GBP4: variants seen among roughly 807,000 people sequenced by gnomAD.
GBP4 encodes guanylate-binding protein 4.
In GBP4, 69 loss-of-function variants were observed where a neutral mutation model predicts 62.2. The observed-to-expected ratio is 1.11, with a 90% CI of 0.91 to 1.36. GBP4 has a LOEUF of 1.36. GBP4 is among the 40% of genes most tolerant of loss of function. The pLI, the probability that GBP4 is intolerant of heterozygous loss-of-function variation, is 0.00. For missense variants in GBP4, 697 were observed against 759.3 expected (o/e 0.92, Z 0.96); for synonymous variants, 278 against 274.6 (o/e 1.01, Z -0.12).
Position 89,185,298 on chromosome 1 carries a change from T to G in GBP4, c.1879A>C (p.Lys627Gln), listed in dbSNP as rs761302684. 6.8e-6 allele frequency: 11 copies of G among 1,613,534 alleles called. No individual in the cohort carries two copies. In the African/African-American group the frequency reaches 1.3e-4, roughly 20 times the overall value. ...TATTTTGTCCCTACTCCAAGTAGCT[T>G]GGAAGCCCCAGGTAGAGTGACAATC... The part of the protein sequence containing the change: ...IMIVTLPGAS[K>Q]LLGVGTKYLG... The change falls in exon 11 of 11, where the codon AAG becomes CAG. Residue 627 changes from lysine (K) to glutamine (Q), a missense_variant. Physicochemically the swap from Lys to Gln is moderately conservative, Grantham distance 53 (BLOSUM62 1). Around this residue, in one of 2 missense-constraint regions of GBP4, gnomAD observed 141 missense variants for 196.6 expected, o/e 0.72. Transcript: ENST00000355754.
At chr1:89,190,845 T>C (rs552862427) in intron 6 of GBP4, among the ~76,000 whole-genome samples, 82 of 152,076 alleles carry the variant, frequency 5.4e-4, no homozygotes, top group Non-Finnish European at 8.4e-4. Context: ...GCCATGAAGC[T>C]AGCCCCGTAC....
chr1:89,191,284 T>A lies in GBP4; in HGVS notation c.893A>T (p.Glu298Val). The A allele has an allele frequency of 6.2e-7, 1 of 1,612,960 alleles. No individual in the cohort carries two copies. The highest frequency in any genetic ancestry group is 8.5e-7 in the Non-Finnish European group (1 of 1,178,960). Residue 298 changes from glutamate to valine, a missense_variant, in exon 6 of 11, where the codon GAG becomes GTG. Glu to Val is a moderately radical substitution (Grantham distance 121, BLOSUM62 -2). Transcript: ENST00000355754. ...FTHAKTKTLREGIIVTGKRLG... is the reference protein window; with the variant it reads ...FTHAKTKTLRVGIIVTGKRLG... The stretch of plus-strand genomic sequence containing the variant: ...ACGCTTTCCAGTGACAATGATTCCC[T>A]CTCTCAGGGTCTTGGTCTTTGCATG...
In GBP4 at chr1:89,198,779, T is replaced by C. The variant is rs1648415744; in HGVS notation, c.40+16A>G. ...CCCAAATATACTTGAAAGGTAAAGC[T>C]TAAGAGCAAACTTACCTGGTGTGGG... On this transcript the variant is annotated intron_variant, in intron 1 of 10. Transcript: ENST00000355754. 1 of 1,610,274 alleles carries C rather than the reference T, an allele frequency of 6.2e-7. No homozygotes were observed. Among genetic ancestry groups the C allele is most frequent in the African/African-American group, 1.3e-5 (1 of 74,828 alleles).
rs1423133654 is a variant in GBP4, at chr1:89,183,079, A to G, written c.*2175T>C. ...CTTTAAAATTCATATGGAACCAAAA[A>G]AGAGCCTAGCCAAGGCAATCCTAAA... On this transcript the variant is annotated 3_prime_UTR_variant, in exon 11 of 11. Transcript: ENST00000355754. 1 of 152,228 alleles carries G rather than the reference A, an allele frequency of 6.6e-6. No homozygotes were observed. The highest frequency in any genetic ancestry group is 6.5e-5 in the Admixed American group (1 of 15,284). The allele number at this position is 152,228 out of a possible 1,614,324, so 9.4% of individuals were successfully genotyped here. A position where few individuals can be genotyped will look rare whatever the true frequency, so the allele number is the denominator to read the frequency against.
intron 6 of GBP4, among the ~76,000 whole-genome samples, chr1:89,190,696 C>T (rs1648159205): frequency 6.6e-6 from 1 of 151,736 alleles, no homozygotes; most frequent in Non-Finnish European, 1.5e-5. Flanking sequence ...TGCAAGTCCC[C>T]TCATTTCTTA....
intron 2 of GBP4, among the ~76,000 whole-genome samples, chr1:89,196,566 TG>T (rs1648346140): frequency 1.3e-5 from 2 of 152,206 alleles, no homozygotes; most frequent in Admixed American, 6.5e-5. Flanking sequence ...TTAACTTCAC[TG>T]TAAAGGTATG....
rs1394350753 is a variant in GBP4, at chr1:89,184,919, C to G, written c.*335G>C. 1.1e-5 allele frequency: 2 copies of G among 182,456 alleles called. No homozygotes were observed. Among genetic ancestry groups the G allele is most frequent in the Non-Finnish European group, 2.3e-5 (2 of 88,622 alleles). 11.3% of individuals were successfully genotyped at this position (182,456 alleles called of 1,614,324 possible). On this transcript the variant is annotated 3_prime_UTR_variant, in exon 11 of 11. Coordinates refer to ENST00000355754, the MANE Select transcript of GBP4 (RefSeq NM_052941.5). ...ATTAATCGGCAAGAGCTAGTCATAA[C>G]TGAAATTATTTCTGTGACTATAATA...
chr1:89,198,168 T>A (rs585525), intron 1 of GBP4, among the ~76,000 whole-genome samples: 96,124 of 151,874 alleles, frequency 0.63, 31,302 homozygotes, highest in East Asian at 0.8. Flanking sequence ...TTGGGCTTTA[T>A]CAACCAGACA....
rs1415185077 is a variant in GBP4 at position 89,185,190 on chromosome 1, GTGTTA to G, written c.*59_*63del. On this transcript the variant is annotated 3_prime_UTR_variant, in exon 11 of 11. Coordinates refer to ENST00000355754, the MANE Select transcript of GBP4 (RefSeq NM_052941.5). ...ACATATACTTACAAAATGAGCAACA[GTGTTA>G]TGTTATTAAAATAAAATAAACCTCA... 1 of 981,256 alleles carries G rather than the reference GTGTTA, an allele frequency of 1.0e-6. No individual in the cohort carries two copies. Among genetic ancestry groups the G allele is most frequent in the Non-Finnish European group, 1.6e-6 (1 of 622,500 alleles). The allele number at this position is 981,256 out of a possible 1,614,324, so 60.8% of individuals were successfully genotyped here.
intron 6 of GBP4, among the ~76,000 whole-genome samples, 162 bp from the exon 7 acceptor site, chr1:89,190,480 C>A (rs1366577700): frequency 1.3e-5 from 2 of 152,124 alleles, no homozygotes; most frequent in African/African-American, 4.8e-5. Context: ...TCTATGAATT[C>A]AACTCTTTAT....
Position 89,193,299 on chromosome 1 carries a change from A to G in GBP4, c.473+4T>C. The G allele has an allele frequency of 2.5e-6, 4 of 1,613,322 alleles. No individual in the cohort carries two copies. The highest frequency in any genetic ancestry group is 3.4e-6 in the Non-Finnish European group (4 of 1,179,496). ...AACCTGCTCTTCACTTCCCAGAAGG[A>G]TACTGCAGCTGCTCCAGGGCCTGGT... On this transcript the variant is annotated splice_donor_region_variant and intron_variant, in intron 4 of 10. Transcript: ENST00000355754.
rs1213666549 is a variant in GBP4 at position 89,182,486 on chromosome 1, T to TC, written c.*2767_*2768insG. The stretch of plus-strand genomic sequence containing the variant: ...GGTTTCTAAGTTATGAGTTGATTTT[T>TC]TTTTTTTTTTTTTGAGACGGAGTTT... On this transcript the variant is annotated 3_prime_UTR_variant, in exon 11 of 11. Transcript: ENST00000355754. 1 of 150,720 alleles carries TC rather than the reference T, an allele frequency of 6.6e-6. No individual in the cohort carries two copies. The highest frequency in any genetic ancestry group is 1.5e-5 in the Non-Finnish European group (1 of 67,608). The allele number at this position is 150,720 out of a possible 1,614,324, so 9.3% of individuals were successfully genotyped here.
chr1:89,188,625 T>C lies in GBP4; in HGVS notation c.1367A>G (p.Gln456Arg), dbSNP rs1359179227. 1.2e-6 allele frequency: 2 copies of C among 1,614,108 alleles called. No homozygotes were observed. The highest frequency in any genetic ancestry group is 1.7e-6 in the Non-Finnish European group (2 of 1,180,022). The change falls in exon 8 of 11, where the codon CAG becomes CGG. Residue 456 changes from glutamine to arginine, a missense_variant. Physicochemically the swap from Gln to Arg is conservative, Grantham distance 43 (BLOSUM62 1). Coordinates refer to ENST00000355754, the MANE Select transcript of GBP4 (RefSeq NM_052941.5). ...GHNLYLEEKK[Q>R]VEWDYKLVPR... ...CACTAGCTTATAGTCCCACTCAACC[T>C]GTTTCTTTTCTTCTAAGTAGAGATT...
Position 89,191,154 on chromosome 1 carries a change from C to A in GBP4, c.916+107G>T, listed in dbSNP as rs1413349088. The A allele has an allele frequency of 3.9e-6, 5 of 1,270,138 alleles. No individual in the cohort carries two copies. In the South Asian group the frequency reaches 4.4e-5, roughly 11 times the overall value. 78.7% of individuals were successfully genotyped at this position (1,270,138 alleles called of 1,614,324 possible). A position where few individuals can be genotyped will look rare whatever the true frequency, so the allele number is the denominator to read the frequency against. ...TGTGCAATGAACATCTCCTTCTCTGCATTCCTATACAGAAGCAAACAATAT... is the reference window on the plus strand; with the variant it reads ...TGTGCAATGAACATCTCCTTCTCTGAATTCCTATACAGAAGCAAACAATAT... On this transcript the variant is annotated intron_variant, in intron 6 of 10. Transcript: ENST00000355754.
At chr1:89,185,569 TTCTC>T in intron 10 of GBP4, 100 bp from the exon 11 acceptor site, 1 of 666,594 alleles carries the variant, frequency 1.5e-6, no homozygotes, top group Admixed American at 2.6e-5. Flanking sequence ...ATGTGTCTAT[TTCTC>T]TATTATCTTA....
At chr1:89,195,228 A>T in intron 3 of GBP4, 69 bp downstream of exon 3, 1 of 1,520,740 alleles carries the variant, frequency 6.6e-7, no homozygotes, top group Non-Finnish European at 9.0e-7. Context: ...TATGTACAGA[A>T]GTTGAAGGGA....
chr1:89,182,119 A>C lies in GBP4; in HGVS notation c.*3135T>G, dbSNP rs1422599816. On this transcript the variant is annotated 3_prime_UTR_variant, in exon 11 of 11. Coordinates refer to ENST00000355754, the MANE Select transcript of GBP4 (RefSeq NM_052941.5). ...TAAGAAGCCTGTGTCCCCTGTGAAAAGGCCCATGGCATATCTTGTAGAATT... is the reference window on the plus strand; with the variant it reads ...TAAGAAGCCTGTGTCCCCTGTGAAACGGCCCATGGCATATCTTGTAGAATT... 4.6e-5 allele frequency: 7 copies of C among 152,190 alleles called. No individual in the cohort carries two copies. The allele number at this position is 152,190 out of a possible 1,614,324, so 9.4% of individuals were successfully genotyped here. A position where few individuals can be genotyped will look rare whatever the true frequency, so the allele number is the denominator to read the frequency against.
Position 89,198,615 on chromosome 1 carries a change from G to A in GBP4, c.40+180C>T, listed in dbSNP as rs1648411294. ...CCGTCTAGAGACGCTGGGCCACACG[G>A]AGCAAAGCACTCAGGGGTTCAAGCA... On this transcript the variant is annotated intron_variant, in intron 1 of 10. Coordinates refer to ENST00000355754, the MANE Select transcript of GBP4 (RefSeq NM_052941.5). 20 of 642,592 alleles carry A rather than the reference G, an allele frequency of 3.1e-5. No homozygotes were observed. In the South Asian group the frequency reaches 3.2e-4, roughly 10 times the overall value. 39.8% of individuals were successfully genotyped at this position (642,592 alleles called of 1,614,324 possible). A position where few individuals can be genotyped will look rare whatever the true frequency, so the allele number is the denominator to read the frequency against.
At chr1:89,186,003 T>C (rs960424143) in intron 10 of GBP4, among the ~76,000 whole-genome samples, 5 of 152,224 alleles carry the variant, frequency 3.3e-5, no homozygotes, top group Non-Finnish European at 7.3e-5. Context: ...TCAGGTACTT[T>C]AGATGGTTGT....
Sources: allele counts gnomAD v4.1 joint callset (sites outside exome capture counted in the v4.1 genomes callset), GRCh38; gene constraint gnomAD v4.1.1; regional missense constraint gnomAD v4.1.1; transcripts MANE v1.5; gene names NCBI Gene and HGNC (gene_info 2026-07-23, HGNC 2026-07-21).